Variants in AMPH observed in about 807,000 individuals in gnomAD.
AMPH encodes the protein amphiphysin (Stiff-Mann syndrome with breast cancer 128kD autoantigen).
AMPH carries 49 observed loss-of-function variants against 99.1 expected under a neutral mutation model. The ratio of observed to expected loss-of-function variants is 0.49; its 90% confidence interval spans 0.39 to 0.63. AMPH has a LOEUF of 0.63. Ranked by LOEUF, AMPH falls within the 20% of genes least tolerant of loss-of-function variation. AMPH has a pLI of 0.00. For synonymous variants in AMPH, 314 were observed against 317.3 expected, an observed-to-expected ratio of 0.99 and a Z score of 0.11; for missense variants, 759 against 863.4, an observed-to-expected ratio of 0.88 and a Z score of 1.52.
chr7:38,532,563 G>A (rs1205596506), intron 2 of AMPH, among the ~76,000 whole-genome samples: 4 of 152,140 alleles, frequency 2.6e-5, no homozygotes, highest in Non-Finnish European at 5.9e-5. Context: ...TTGAAGATGA[G>A]TATTGTATAT....
intron 5 of AMPH, among the ~76,000 whole-genome samples, chr7:38,479,770 C>T (rs6950276): frequency 0.25 from 37,747 of 151,732 alleles, 5,704 homozygotes; most frequent in African/African-American, 0.39. Context: ...GAAGTATCTA[C>T]GTGCCCCATA....
At chr7:38,428,131 C>A (rs1359704932) in intron 14 of AMPH, 8 of 456,620 alleles carry the variant, frequency 1.8e-5, no homozygotes, top group Non-Finnish European at 3.1e-5. Flanking sequence ...CCTTCTGTAT[C>A]TCTGATAGGC....
intron 2 of AMPH, among the ~76,000 whole-genome samples, chr7:38,509,140 G>A (rs1789444820): frequency 6.6e-6 from 1 of 152,150 alleles, no homozygotes; most frequent in Admixed American, 6.5e-5. Context: ...TAAGAACCCA[G>A]CACTGACTTC....
chr7:38,436,167 A>G, intron 12 of AMPH, 105 bp downstream of exon 12: 1 of 824,736 alleles, frequency 1.2e-6, no homozygotes, highest in South Asian at 1.6e-5. Context: ...TCAACCAAAA[A>G]TAAAAATAGA....
intron 11 of AMPH, among the ~76,000 whole-genome samples, chr7:38,441,946 C>G (rs1786572886): frequency 6.6e-6 from 1 of 150,854 alleles, no homozygotes; most frequent in South Asian, 2.1e-4. Context: ...AGATCATGTT[C>G]TTTGCAAGGA....
At chr7:38,630,136 T>C (rs1794405027) in intron 1 of AMPH, among the ~76,000 whole-genome samples, 1 of 152,060 alleles carries the variant, frequency 6.6e-6, no homozygotes, top group Non-Finnish European at 1.5e-5. Context: ...TGACTTCCAG[T>C]AAAACAGGAA....
intron 11 of AMPH, among the ~76,000 whole-genome samples, chr7:38,438,889 A>T (rs1786394232): frequency 6.6e-6 from 1 of 152,238 alleles, no homozygotes; most frequent in Non-Finnish European, 1.5e-5. Context: ...AATGTTATTA[A>T]TTACCATTAG....
At chr7:38,559,048 C>T (rs1174951322) in intron 1 of AMPH, among the ~76,000 whole-genome samples, 1 of 152,180 alleles carries the variant, frequency 6.6e-6, no homozygotes, top group Non-Finnish European at 1.5e-5. Flanking sequence ...AAACTAAAGT[C>T]ACAAAGGACA....
intron 14 of AMPH, chr7:38,429,166 T>G (rs1785902813): frequency 7.8e-7 from 1 of 1,289,840 alleles, no homozygotes; most frequent in African/African-American, 1.5e-5. Flanking sequence ...AGGCCAGCTG[T>G]GTCCATGGCT....
At chr7:38,441,323 G>C (rs1786495616) in intron 11 of AMPH, among the ~76,000 whole-genome samples, 1 of 152,006 alleles carries the variant, frequency 6.6e-6, no homozygotes, top group African/African-American at 2.4e-5. Context: ...AGAACAAATG[G>C]AGAGAAAATA....
At chr7:38,426,267 C>T (rs1194425863) in intron 15 of AMPH, among the ~76,000 whole-genome samples, 1 of 152,188 alleles carries the variant, frequency 6.6e-6, no homozygotes, top group Non-Finnish European at 1.5e-5. Flanking sequence ...GATCCAGGAG[C>T]CTGAGAGCCA....
In AMPH at chr7:38,429,114, T is replaced by C. The variant is rs556116446; in HGVS notation, c.1182+728A>G. ...ATCTTCCATCTTCTGTTTCTCTTCC[T>C]CTTCATCTGACTTCTTCATATCTTC... On this transcript the variant is annotated intron_variant, in intron 14 of 20. Coordinates refer to ENST00000356264, the MANE Select transcript of AMPH (RefSeq NM_001635.4). 10 of 1,290,296 alleles carry C rather than the reference T, an allele frequency of 7.8e-6. No homozygotes were observed. In the East Asian group the frequency reaches 2.8e-4, roughly 36 times the overall value. The allele number at this position is 1,290,296 out of a possible 1,614,324, so 79.9% of individuals were successfully genotyped here. A position where few individuals can be genotyped will look rare whatever the true frequency, so the allele number is the denominator to read the frequency against.
intron 16 of AMPH, chr7:38,420,928 A>C (rs535227503): frequency 2.2e-6 from 1 of 456,456 alleles, no homozygotes; most frequent in Admixed American, 2.3e-5. Flanking sequence ...CAGAATAGTC[A>C]ATGAGCCAAA....
chr7:38,422,940 C>T (rs1007291923), intron 15 of AMPH, among the ~76,000 whole-genome samples: 3 of 152,168 alleles, frequency 2.0e-5, no homozygotes, highest in Non-Finnish European at 2.9e-5. Context: ...TTATTTGAAA[C>T]ATGTTCAAGT....
intron 2 of AMPH, among the ~76,000 whole-genome samples, chr7:38,523,758 A>C (rs1790061166): frequency 6.6e-6 from 1 of 152,224 alleles, no homozygotes; most frequent in Admixed American, 6.5e-5. Flanking sequence ...TAAGTTTAGA[A>C]GGAATTCAAA....
chr7:38,526,263 GTTTCT>G (rs1158628223), intron 2 of AMPH, among the ~76,000 whole-genome samples: 4 of 149,702 alleles, frequency 2.7e-5, no homozygotes, highest in Non-Finnish European at 5.9e-5. Context: ...TATATTCATG[GTTTCT>G]TTTCTTTTTT....
At chr7:38,538,730 G>T (rs1006902644) in intron 1 of AMPH, among the ~76,000 whole-genome samples, 1 of 152,186 alleles carries the variant, frequency 6.6e-6, no homozygotes, top group Non-Finnish European at 1.5e-5. Context: ...ATAATGCACA[G>T]TACATAATGG....
At chr7:38,441,594 A>C (rs953798824) in intron 11 of AMPH, among the ~76,000 whole-genome samples, 1 of 151,820 alleles carries the variant, frequency 6.6e-6, no homozygotes, top group Non-Finnish European at 1.5e-5. Context: ...CAGACACCAG[A>C]GACAATGCTA....
intron 2 of AMPH, among the ~76,000 whole-genome samples, chr7:38,522,311 A>G (rs1366250209): frequency 6.6e-6 from 1 of 152,142 alleles, no homozygotes; most frequent in Non-Finnish European, 1.5e-5. Context: ...ATGTGTAATA[A>G]TGTTTGTATG....
Sources: allele counts gnomAD v4.1 joint callset (sites outside exome capture counted in the v4.1 genomes callset), GRCh38; gene constraint gnomAD v4.1.1; transcripts MANE v1.5; gene names NCBI Gene and HGNC (gene_info 2026-07-23, HGNC 2026-07-21).